Variants in KIF26B observed in about 807,000 individuals in gnomAD.
The protein encoded by KIF26B is kinesin family member 26B.
Under a neutral mutation model 151.2 loss-of-function variants are expected in KIF26B, and 63 were observed. The ratio of observed to expected loss-of-function variants is 0.42; its 90% confidence interval spans 0.34 to 0.51. KIF26B has a LOEUF of 0.51. Among genes scored for constraint, KIF26B ranks in the 20% least tolerant of loss-of-function variants. The probability of loss-of-function intolerance (pLI) is 0.07; values close to 1 mark genes in which losing one functional copy is unlikely to be tolerated. For synonymous variants in KIF26B, 1,357 were observed against 1,262.1 expected, an observed-to-expected ratio of 1.08 and a Z score of -1.59; for missense variants, 2,813 against 2,913.6, an observed-to-expected ratio of 0.97 and a Z score of 0.79.
chr1:245,162,249 CA>C, intron 2 of KIF26B, among the ~76,000 whole-genome samples: 1 of 152,292 alleles, frequency 6.6e-6, no homozygotes, highest in East Asian at 1.9e-4. Context: ...TCTGCAGTCA[CA>C]AGCTATTCAT....
chr1:245,530,191 G>A (rs1200407285), intron 4 of KIF26B, among the ~76,000 whole-genome samples: 6 of 152,338 alleles, frequency 3.9e-5, no homozygotes, highest in African/African-American at 1.4e-4. Context: ...ACAAATGCTG[G>A]TGAGGATGTG....
chr1:245,551,509 TG>T (rs1412785570), intron 5 of KIF26B, among the ~76,000 whole-genome samples: 2 of 152,178 alleles, frequency 1.3e-5, no homozygotes, highest in African/African-American at 4.8e-5. Context: ...GAGCAGGGTT[TG>T]TAGCTTGGCC....
intron 2 of KIF26B, among the ~76,000 whole-genome samples, chr1:245,193,865 G>A (rs1007443535): frequency 2.0e-5 from 3 of 152,206 alleles, no homozygotes. Flanking sequence ...TGAAACAACT[G>A]GCAAATCAAT....
chr1:245,626,310 C>T (rs1025232193), intron 9 of KIF26B, among the ~76,000 whole-genome samples: 2 of 151,800 alleles, frequency 1.3e-5, no homozygotes, highest in East Asian at 3.9e-4. Flanking sequence ...AGCATCTATA[C>T]TGTTTTCTAT....
At chr1:245,520,745 G>A (rs1661083039) in intron 4 of KIF26B, among the ~76,000 whole-genome samples, 1 of 152,092 alleles carries the variant, frequency 6.6e-6, no homozygotes, top group Non-Finnish European at 1.5e-5. Context: ...CACTCTCATG[G>A]AACTTACATC....
intron 2 of KIF26B, among the ~76,000 whole-genome samples, chr1:245,256,702 C>T (rs1479811208): frequency 1.3e-5 from 2 of 152,192 alleles, no homozygotes; most frequent in Non-Finnish European, 2.9e-5. Context: ...GCCTCCATTA[C>T]AGCCTCCTCC....
At chr1:245,695,409 C>T (rs1278317786) in intron 12 of KIF26B, among the ~76,000 whole-genome samples, 1 of 152,178 alleles carries the variant, frequency 6.6e-6, no homozygotes, top group Non-Finnish European at 1.5e-5. Context: ...TCACATGCAC[C>T]TCTGGAGGGA....
intron 5 of KIF26B, among the ~76,000 whole-genome samples, chr1:245,543,851 G>A (rs1661678738): frequency 6.6e-6 from 1 of 152,194 alleles, no homozygotes; most frequent in Admixed American, 6.5e-5. Flanking sequence ...AGGAGGCTGA[G>A]GCAGGAGAAT....
At chr1:245,661,650 TTATA>T (rs1216056864) in intron 10 of KIF26B, among the ~76,000 whole-genome samples, 1 of 147,542 alleles carries the variant, frequency 6.8e-6, no homozygotes, top group Middle Eastern at 3.7e-3. Flanking sequence ...ACACCCAATG[TTATA>T]TATAGACACA....
At chr1:245,448,056 C>T (rs1490438142) in intron 4 of KIF26B, among the ~76,000 whole-genome samples, 1 of 152,262 alleles carries the variant, frequency 6.6e-6, no homozygotes, top group Non-Finnish European at 1.5e-5. Flanking sequence ...GGCTCACATG[C>T]CCTGCATCAC....
chr1:245,269,614 G>A (rs1355649666), intron 2 of KIF26B, among the ~76,000 whole-genome samples: 1 of 151,830 alleles, frequency 6.6e-6, no homozygotes, highest in African/African-American at 2.4e-5. Context: ...ATAGGCGCCT[G>A]CCACCACGCC....
intron 10 of KIF26B, among the ~76,000 whole-genome samples, chr1:245,683,861 C>T (rs879693564): frequency 1.4e-4 from 21 of 152,152 alleles, no homozygotes; most frequent in Non-Finnish European, 2.6e-4. Context: ...AAAGGCCACA[C>T]GTGCAGTCAG....
chr1:245,366,917 C>T lies in KIF26B; in HGVS notation c.549C>T (p.Arg183=). The change falls in exon 3 of 15, where the codon CGC becomes CGT. Residue 183 remains arginine, a synonymous_variant. Coordinates refer to ENST00000407071, the MANE Select transcript of KIF26B (RefSeq NM_018012.4). ...AGGCATGGAACGACCGGGACAACCGCTGTGACATTTGCGCCACTCACCTGA... is the reference window on the plus strand; with the variant it reads ...AGGCATGGAACGACCGGGACAACCGTTGTGACATTTGCGCCACTCACCTGA... The part of the protein sequence containing the change: ...IRKAWNDRDN[R]CDICATHLNQ... 1 of 1,614,066 alleles carries T rather than the reference C, an allele frequency of 6.2e-7. No individual in the cohort carries two copies. The highest frequency in any genetic ancestry group is 8.5e-7 in the Non-Finnish European group (1 of 1,179,902).
At chr1:245,243,242 C>T (rs1444922046) in intron 2 of KIF26B, among the ~76,000 whole-genome samples, 2 of 152,150 alleles carry the variant, frequency 1.3e-5, no homozygotes, top group African/African-American at 4.8e-5. Flanking sequence ...ATTTGCCAAT[C>T]ACATGGGTGA....
Position 245,507,408 on chromosome 1 carries a change from C to T in KIF26B, c.1167-33359C>T, listed in dbSNP as rs115700056. On this transcript the variant is annotated intron_variant, in intron 4 of 14. Coordinates refer to ENST00000407071, the MANE Select transcript of KIF26B (RefSeq NM_018012.4). ...AGCCTTGGCCAGCCCCACAGGGAAG[C>T]GCTGGAGCATAAATGGCCCATCCTC... Among the ~76,000 whole-genome samples the T allele has an allele frequency of 5.0e-3, 759 of 152,314 alleles. 9 individuals carry two copies. The highest frequency in any genetic ancestry group is 0.018 in the African/African-American group (737 of 41,568).
At position 245,698,297 on chromosome 1, in the gene KIF26B, G is replaced by A. The variant is rs1439336868; in HGVS notation, c.6016G>A (p.Gly2006Ser). 1.2e-6 allele frequency: 2 copies of A among 1,613,180 alleles called. No individual in the cohort carries two copies. Among genetic ancestry groups the A allele is most frequent in the Non-Finnish European group, 1.7e-6 (2 of 1,179,810 alleles). ...GGAGCGCCTGCAGCGGCGACGAGGG[G>A]GTGCCAGCAAGGTGAGGCAGCCTCC... ...DVERLQRRRG[G>S]ASKEAMCFNA... The change falls in exon 13 of 15, where the codon GGT (glycine) becomes AGT (serine). Residue 2006 changes from glycine to serine, a missense_variant. Gly to Ser is a moderately conservative substitution (Grantham distance 56). Transcript: ENST00000407071. This position sits in a 1 kb window ranked among gnomAD's most constrained non-coding sequence, Gnocchi z 4.0.
intron 2 of KIF26B, among the ~76,000 whole-genome samples, chr1:245,224,289 GA>G (rs56263815): frequency 0.51 from 75,994 of 147,880 alleles, 21,543 homozygotes; most frequent in Non-Finnish European, 0.64. Context: ...CCGTCTCAAA[GA>G]AAAAAAAAAA....
chr1:245,273,416 C>CAAAAAAAAAAAAAAAAAAAAAAAAAAA (rs36085161), intron 2 of KIF26B, among the ~76,000 whole-genome samples: 1 of 127,054 alleles, frequency 7.9e-6, no homozygotes. Context: ...AGACTTATCT[C>CAAAAAAAAAAAAAAAAAAAAAAAAAAA]AAAAAAAAAA....
At chr1:245,507,869 C>T (rs761331790) in intron 4 of KIF26B, among the ~76,000 whole-genome samples, 1 of 152,150 alleles carries the variant, frequency 6.6e-6, no homozygotes, top group Non-Finnish European at 1.5e-5. Flanking sequence ...TGGCTTTCTC[C>T]TGTGTTTCAA....
Sources: gnomAD v4.1 joint callset for allele counts (sites outside exome capture counted in the v4.1 genomes callset) on GRCh38, gnomAD v4.1.1 for gene constraint, Gnocchi (gnomAD v3.1) non-coding constraint, MANE v1.5 for transcripts, NCBI Gene and HGNC (gene_info 2026-07-23, HGNC 2026-07-21) for gene names.